Variants in TRIM58 observed in about 807,000 individuals in gnomAD.
TRIM58 encodes the protein tripartite motif containing 58.
Under a neutral mutation model 34.1 loss-of-function variants are expected in TRIM58, and 38 were observed. The ratio of observed to expected loss-of-function variants is 1.12; its 90% CI spans 0.86 to 1.46. The LOEUF is 1.46. Ranked by LOEUF, TRIM58 falls within the 40% of genes most tolerant of loss-of-function variation. TRIM58 has a pLI of 0.00. For synonymous variants in TRIM58, 273 were observed against 275.7 expected (o/e 0.99, Z 0.10); for missense variants, 677 against 642.0 (o/e 1.05, Z -0.59).
At position 247,878,329 on chromosome 1, in the gene TRIM58, A is replaced by G. The variant is rs1327501632; in HGVS notation, c.*1840A>G. On this transcript the variant is annotated 3_prime_UTR_variant, in exon 6 of 6. Transcript: ENST00000366481. The stretch of plus-strand genomic sequence containing the variant: ...TGCAGAAGGTTTAATTTTCCTCCTC[A>G]ATTTGAAGTTCAAGATGTTTTTCTC... 3.9e-5 allele frequency: 6 copies of G among 152,130 alleles called. No homozygotes were observed. Among genetic ancestry groups the G allele is most frequent in the Admixed American group, 3.9e-4 (6 of 15,270 alleles). 9.4% of individuals were successfully genotyped at this position (152,130 alleles called of 1,614,324 possible). A position where few individuals can be genotyped will look rare whatever the true frequency, so the allele number is the denominator to read the frequency against.
intron 5 of TRIM58, among the ~76,000 whole-genome samples, chr1:247,871,383 A>T (rs1659118699): frequency 6.6e-6 from 1 of 152,246 alleles, no homozygotes; most frequent in Non-Finnish European, 1.5e-5. Flanking sequence ...TGTAGGAATA[A>T]GCAGTGTCAC....
At chr1:247,868,717 A>G (rs962192350) in intron 5 of TRIM58, among the ~76,000 whole-genome samples, 1 of 152,212 alleles carries the variant, frequency 6.6e-6, no homozygotes, top group African/African-American at 2.4e-5. Flanking sequence ...AACAGCTGAC[A>G]AAACTTAGGG....
intron 5 of TRIM58, among the ~76,000 whole-genome samples, chr1:247,872,610 A>T (rs1179328799): frequency 1.3e-5 from 2 of 152,198 alleles, no homozygotes; most frequent in African/African-American, 4.8e-5. Context: ...GGGCAGATGA[A>T]TGTACAATAG....
At chr1:247,858,899 T>TGGGA (rs1663707444) in intron 1 of TRIM58, among the ~76,000 whole-genome samples, 2 of 151,752 alleles carry the variant, frequency 1.3e-5, no homozygotes, top group African/African-American at 4.8e-5. Flanking sequence ...CCCGGGTAGC[T>TGGGA]GGGATTACAG....
intron 3 of TRIM58, among the ~76,000 whole-genome samples, chr1:247,866,427 C>T (rs957886441): frequency 6.6e-6 from 1 of 152,126 alleles, no homozygotes; most frequent in African/African-American, 2.4e-5. Flanking sequence ...AGGTGATCCG[C>T]CCACTTTGGC....
Position 247,864,739 on chromosome 1 carries a change from T to TG in TRIM58, c.553dup (p.Glu185GlyfsTer3). ...GAAATGCAGAGGCAGCGCTTCAGAT[T>TG]GGAGTTTGAGAAGCATCGTGGCTTT... On this transcript the variant is annotated frameshift_variant, in exon 3 of 6. Coordinates refer to ENST00000366481, the MANE Select transcript of TRIM58 (RefSeq NM_015431.4). LOFTEE classifies it high-confidence loss of function. 1 of 1,614,112 alleles carries TG rather than the reference T, an allele frequency of 6.2e-7. No homozygotes were observed. Among genetic ancestry groups the TG allele is most frequent in the African/African-American group, 1.3e-5 (1 of 75,030 alleles).
At chr1:247,863,308 T>C (rs1366420150) in intron 2 of TRIM58, among the ~76,000 whole-genome samples, 4 of 152,026 alleles carry the variant, frequency 2.6e-5, no homozygotes, top group South Asian at 2.1e-4. Context: ...GGGAGGCCGA[T>C]GCGGGCCGAT....
intron 2 of TRIM58, among the ~76,000 whole-genome samples, chr1:247,862,853 T>TA (rs1420735489): frequency 6.6e-6 from 1 of 152,174 alleles, no homozygotes; most frequent in East Asian, 1.9e-4. Context: ...TGTCTGCAGA[T>TA]ATAGTTGTGC....
chr1:247,870,502 A>G (rs111703139), intron 5 of TRIM58, among the ~76,000 whole-genome samples: 12 of 42,406 alleles, frequency 2.8e-4, no homozygotes, highest in African/African-American at 2.0e-3. Context: ...ACCCAGAAGA[A>G]CGAGGATTAG....
chr1:247,870,223 T>G (rs1659077988), intron 5 of TRIM58, among the ~76,000 whole-genome samples: 1 of 152,218 alleles, frequency 6.6e-6, no homozygotes. Flanking sequence ...TGCCATATTT[T>G]AGGGTAAAAT....
At position 247,857,522 on chromosome 1, in the gene TRIM58, G is replaced by A. The variant is rs571865632; in HGVS notation, c.276G>A (p.Gly92=). 25 of 1,285,796 alleles carry A rather than the reference G, an allele frequency of 1.9e-5. No individual in the cohort carries two copies. The African/African-American group carries it at 3.1e-4, about 16-fold the overall frequency. The allele number at this position is 1,285,796 out of a possible 1,614,324, so 79.6% of individuals were successfully genotyped here. ...GGCTGGGGTTGGGCGCGGGGCCCGG[G>A]GCGCGGCGATGCGCGCGGCACGGCG... ...VRRLGLGAGP[G]ARRCARHGED... is the part of the protein sequence containing the mutation. The change falls in exon 1 of 6, where the codon GGG becomes GGA. Residue 92 remains glycine (G), a synonymous_variant. Transcript: ENST00000366481.
chr1:247,859,132 C>G (rs989388036), intron 1 of TRIM58, among the ~76,000 whole-genome samples: 1 of 152,082 alleles, frequency 6.6e-6, no homozygotes, highest in Non-Finnish European at 1.5e-5. Context: ...ATTATCTAAA[C>G]TCCTGAGCCT....
rs920998016 is a variant in TRIM58 at position 247,878,508 on chromosome 1, G to C, written c.*2019G>C. The stretch of plus-strand genomic sequence containing the variant: ...CAAACAGAGGAAATAACGCATCCTC[G>C]TGTCCCTCTTCTTGGTGTTCCACAG... On this transcript the variant is annotated 3_prime_UTR_variant, in exon 6 of 6. Transcript: ENST00000366481. 6.6e-6 allele frequency among the ~76,000 whole-genome samples: 1 copy of C among 152,082 alleles called. No individual in the cohort carries two copies. Among genetic ancestry groups the C allele is most frequent in the Non-Finnish European group, 1.5e-5 (1 of 68,022 alleles).
At chr1:247,871,840 G>A (rs1285923093) in intron 5 of TRIM58, among the ~76,000 whole-genome samples, 6 of 152,214 alleles carry the variant, frequency 3.9e-5, no homozygotes, top group Admixed American at 3.9e-4. Flanking sequence ...GCTGTAAGTG[G>A]CTGACACAGA....
At chr1:247,871,769 A>T (rs552320330) in intron 5 of TRIM58, among the ~76,000 whole-genome samples, 1 of 152,378 alleles carries the variant, frequency 6.6e-6, no homozygotes, top group Non-Finnish European at 1.5e-5. Flanking sequence ...AACAACAACA[A>T]CAAAATACTC....
chr1:247,875,570 A>G (rs1205348803), intron 5 of TRIM58, among the ~76,000 whole-genome samples: 3 of 152,102 alleles, frequency 2.0e-5, no homozygotes, highest in Non-Finnish European at 4.4e-5. Context: ...ACGCACACAC[A>G]CACACACAAA....
rs1663670053 is a variant in TRIM58, at chr1:247,857,674, G to GC, written c.420+14dup. 14 of 1,224,746 alleles carry GC rather than the reference G, an allele frequency of 1.1e-5. No homozygotes were observed. In the South Asian group the frequency reaches 1.8e-4, roughly 16 times the overall value. The allele number at this position is 1,224,746 out of a possible 1,614,324, so 75.9% of individuals were successfully genotyped here. On this transcript the variant is annotated intron_variant, in intron 1 of 5. Coordinates refer to ENST00000366481, the MANE Select transcript of TRIM58 (RefSeq NM_015431.4). ...GCCGCCGGCAGCTACCAGGTGAGGC[G>GC]CCCCCCGGCGGGGGCTGCGGGCGCT...
rs1018289447 is a variant in TRIM58, at chr1:247,876,698, A to G, written c.*209A>G. The stretch of plus-strand genomic sequence containing the variant: ...GCATAATAATTTTGTAAATGGAGCA[A>G]TCTCAACCTCTATTTCTAGATCACA... On this transcript the variant is annotated 3_prime_UTR_variant, in exon 6 of 6. Transcript: ENST00000366481. 4.6e-5 allele frequency: 25 copies of G among 544,900 alleles called. No homozygotes were observed. The East Asian group carries it at 7.4e-4, about 16-fold the overall frequency. The allele number at this position is 544,900 out of a possible 1,614,324, so 33.8% of individuals were successfully genotyped here. A position where few individuals can be genotyped will look rare whatever the true frequency, so the allele number is the denominator to read the frequency against.
At position 247,877,602 on chromosome 1, in the gene TRIM58, CTT is replaced by C. The variant is rs1259512403; in HGVS notation, c.*1114_*1115del. 1 of 151,284 alleles carries C rather than the reference CTT, an allele frequency of 6.6e-6. No homozygotes were observed. Among genetic ancestry groups the C allele is most frequent in the African/African-American group, 2.4e-5 (1 of 41,228 alleles). The allele number at this position is 151,284 out of a possible 1,614,324, so 9.4% of individuals were successfully genotyped here. A position where few individuals can be genotyped will look rare whatever the true frequency, so the allele number is the denominator to read the frequency against. ...AAAAGAAAAAAGACCTCAAACAACA[CTT>C]CTCTCTCTCTTTTAGCTGCTTGTTA... On this transcript the variant is annotated 3_prime_UTR_variant, in exon 6 of 6. Transcript: ENST00000366481.
Sources: allele counts gnomAD v4.1 joint callset (sites outside exome capture counted in the v4.1 genomes callset), GRCh38; gene constraint gnomAD v4.1.1; transcripts MANE v1.5; gene names NCBI Gene and HGNC (gene_info 2026-07-23, HGNC 2026-07-21).